The following DCC variants were observed in gnomAD, a reference collection of about 807,000 sequenced individuals.
The protein encoded by DCC is DCC netrin 1 receptor.
A neutral mutation model predicts 172.5 loss-of-function variants in DCC; 58 were observed. The ratio of observed to expected loss-of-function variants is 0.34; its 90% CI spans 0.27 to 0.42. DCC has a LOEUF of 0.42. Ranked by LOEUF, DCC falls within the 10% of genes least tolerant of loss-of-function variation. The probability of loss-of-function intolerance (pLI) is 1.00; values close to 1 mark genes in which losing one functional copy is unlikely to be tolerated. For missense variants in DCC, 1,740 were observed against 1,791.0 expected, an observed-to-expected ratio of 0.97 and a Z score of 0.51; for synonymous variants, 709 against 644.5, an observed-to-expected ratio of 1.10 and a Z score of -1.52.
intron 5 of DCC, among the ~76,000 whole-genome samples, chr18:53,059,516 G>C (rs966074322): frequency 6.6e-6 from 1 of 152,048 alleles, no homozygotes; most frequent in Non-Finnish European, 1.5e-5. Flanking sequence ...AAGCCTGTAT[G>C]TTTAGACCTT....
rs138886131 is a variant in DCC at position 52,782,070 on chromosome 18, A to G, written c.412+29696A>G. 2.6e-3 allele frequency among the ~76,000 whole-genome samples: 392 copies of G among 152,300 alleles called. 1 individual carries two copies. Among genetic ancestry groups the G allele is most frequent in the Middle Eastern group, 0.014 (4 of 294 alleles). On this transcript the variant is annotated intron_variant, in intron 2 of 28. Coordinates refer to ENST00000442544, the MANE Select transcript of DCC (RefSeq NM_005215.4). ...CCCATAAAGACAGTCAAGGTAAAAT[A>G]CAATTGAGTAGAACTAAGAAAGGAA... is the stretch of plus-strand genomic sequence containing the variant.
At chr18:52,634,335 C>A (rs1331094346) in intron 1 of DCC, among the ~76,000 whole-genome samples, 2 of 152,142 alleles carry the variant, frequency 1.3e-5, no homozygotes, top group East Asian at 1.9e-4. Flanking sequence ...CATATTATTT[C>A]TATGGTATTT....
chr18:53,199,698 G>A (rs2055505843), intron 9 of DCC, among the ~76,000 whole-genome samples: 1 of 151,912 alleles, frequency 6.6e-6, no homozygotes, highest in Non-Finnish European at 1.5e-5. Context: ...AGATGAGTAA[G>A]CATTTAATAG....
chr18:53,082,296 T>G (rs930331760), intron 7 of DCC, among the ~76,000 whole-genome samples: 1 of 152,182 alleles, frequency 6.6e-6, no homozygotes, highest in Non-Finnish European at 1.5e-5. Flanking sequence ...AAAATTGTTA[T>G]ATGGTTATGG....
intron 15 of DCC, among the ~76,000 whole-genome samples, chr18:53,382,976 A>G (rs770258081): frequency 6.6e-6 from 1 of 152,072 alleles, no homozygotes; most frequent in African/African-American, 2.4e-5. Flanking sequence ...AGGCTTTTTT[A>G]TTTTGATATA....
intron 12 of DCC, among the ~76,000 whole-genome samples, chr18:53,250,044 C>T (rs1042325647): frequency 2.6e-5 from 4 of 151,904 alleles, no homozygotes; most frequent in Non-Finnish European, 5.9e-5. Context: ...TTCAGATACT[C>T]TATGATGTTG....
chr18:53,120,582 A>G (rs552229835), intron 7 of DCC, among the ~76,000 whole-genome samples: 40 of 152,026 alleles, frequency 2.6e-4, no homozygotes, highest in African/African-American at 9.6e-4. Context: ...AATCAGAGGA[A>G]AAATTGCTCT....
At chr18:52,568,906 A>G (rs568596754) in intron 1 of DCC, among the ~76,000 whole-genome samples, 86 of 152,316 alleles carry the variant, frequency 5.6e-4, no homozygotes, top group South Asian at 1.2e-3. Context: ...TACACTAATT[A>G]TGGGATTGTC....
chr18:53,025,203 C>T (rs762823528), intron 5 of DCC, among the ~76,000 whole-genome samples: 17 of 151,922 alleles, frequency 1.1e-4, no homozygotes, highest in Non-Finnish European at 2.4e-4. Context: ...GATGAGAATT[C>T]GTGAAAAATA....
chr18:53,205,254 T>C lies in DCC; in HGVS notation c.1612T>C (p.Ser538Pro). The change falls in exon 10 of 29, where the codon TCT becomes CCT. Residue 538 changes from serine to proline, a missense_variant. Ser to Pro is a moderately conservative substitution (Grantham distance 74). Transcript: ENST00000442544. ...GCCAGTAGAAAACCTGCAAGCTGTA[T>C]CTACCTCACCTACCTCAATTCTTAT... The part of the protein sequence containing the change: ...PGPVENLQAV[S>P]TSPTSILITW... 1 of 1,613,690 alleles carries C rather than the reference T, an allele frequency of 6.2e-7. No homozygotes were observed. Among genetic ancestry groups the C allele is most frequent in the Non-Finnish European group, 8.5e-7 (1 of 1,179,606 alleles).
intron 1 of DCC, among the ~76,000 whole-genome samples, chr18:52,445,548 T>C (rs993634899): frequency 1.3e-5 from 2 of 152,222 alleles, no homozygotes; most frequent in Admixed American, 1.3e-4. Flanking sequence ...TTTTAAGTGT[T>C]GTTTATCTGT....
chr18:52,728,904 T>C (rs1439412777), intron 1 of DCC, among the ~76,000 whole-genome samples: 1 of 152,188 alleles, frequency 6.6e-6, no homozygotes, highest in Non-Finnish European at 1.5e-5. Context: ...TCCAGGGATC[T>C]ATGTGAATAG....
At chr18:53,418,736 A>C (rs1295621004) in intron 21 of DCC, among the ~76,000 whole-genome samples, 2 of 152,202 alleles carry the variant, frequency 1.3e-5, no homozygotes, top group African/African-American at 4.8e-5. Context: ...TAGGGATTGA[A>C]GATCTGCCAT....
rs185553701 is a variant in DCC at position 52,764,025 on chromosome 18, C to A, written c.412+11651C>A. Among the ~76,000 whole-genome samples the A allele has an allele frequency of 8.4e-4, 128 of 152,242 alleles. 1 individual carries two copies. The highest frequency in any genetic ancestry group is 1.4e-3 in the Non-Finnish European group (96 of 67,998). On this transcript the variant is annotated intron_variant, in intron 2 of 28. Coordinates refer to ENST00000442544, the MANE Select transcript of DCC (RefSeq NM_005215.4). The stretch of plus-strand genomic sequence containing the variant: ...TGAATGTTCTTGTATTTAGTAAATG[C>A]TCTTCTGTACATACCTTTGACAAGT...
At chr18:52,867,818 C>T (rs866696154) in intron 2 of DCC, among the ~76,000 whole-genome samples, 2 of 152,082 alleles carry the variant, frequency 1.3e-5, no homozygotes, top group South Asian at 2.1e-4. Flanking sequence ...GTGGAGTAGA[C>T]TTCACTGTGA....
intron 21 of DCC, among the ~76,000 whole-genome samples, chr18:53,428,832 A>T (rs1314379511): frequency 7.3e-5 from 2 of 27,214 alleles, no homozygotes; most frequent in African/African-American, 2.3e-4. Flanking sequence ...ATTATATATT[A>T]TATATTTTAT....
chr18:53,394,062 T>A (rs1306473019), intron 17 of DCC, among the ~76,000 whole-genome samples: 2 of 152,316 alleles, frequency 1.3e-5, no homozygotes, highest in East Asian at 3.9e-4. Context: ...CAAGCCAATG[T>A]CATATCTTTA....
chr18:52,605,441 C>T (rs2034113795), intron 1 of DCC, among the ~76,000 whole-genome samples: 2 of 152,114 alleles, frequency 1.3e-5, no homozygotes, highest in Admixed American at 6.6e-5. Context: ...CTTCTACAAT[C>T]GCTAAGATTA....
intron 1 of DCC, among the ~76,000 whole-genome samples, chr18:52,377,189 G>A (rs764936846): frequency 9.9e-5 from 15 of 152,074 alleles, no homozygotes; most frequent in Admixed American, 9.8e-4. Context: ...AGTTAAATTA[G>A]CTGCTGATGA....
Sources: gnomAD v4.1 joint callset for allele counts (sites outside exome capture counted in the v4.1 genomes callset) on GRCh38, gnomAD v4.1.1 for gene constraint, MANE v1.5 for transcripts, NCBI Gene and HGNC (gene_info 2026-07-23, HGNC 2026-07-21) for gene names.